The following ZNF618 variants were observed in gnomAD, a reference collection of about 807,000 sequenced individuals.
The protein encoded by ZNF618 is zinc finger protein 618, also known as neural precursor cell expressed, developmentally down-regulated 10.
ZNF618 carries 34 observed loss-of-function variants against 103.0 expected under a neutral mutation model. The observed-to-expected ratio is 0.33, with a 90% confidence interval of 0.25 to 0.44. The LOEUF (loss-of-function observed/expected upper bound fraction) is 0.44. Among genes scored for constraint, ZNF618 ranks in the 20% least tolerant of loss-of-function variants. ZNF618 has a pLI of 1.00. For synonymous variants in ZNF618, 551 were observed against 542.2 expected (o/e 1.02, Z -0.23); for missense variants, 1,059 against 1,295.4 (o/e 0.82, Z 2.80).
chr9:113,969,677 C>G (rs1837765568), intron 2 of ZNF618, among the ~76,000 whole-genome samples: 1 of 152,182 alleles, frequency 6.6e-6, no homozygotes, highest in African/African-American at 2.4e-5. Context: ...CAATAGAGAA[C>G]TGGACTGTTT....
intron 2 of ZNF618, among the ~76,000 whole-genome samples, chr9:113,986,694 G>C (rs1332734361): frequency 6.6e-6 from 1 of 152,132 alleles, no homozygotes; most frequent in Non-Finnish European, 1.5e-5. Flanking sequence ...GTCACACTGG[G>C]GGTTAGGGCT....
intron 1 of ZNF618, among the ~76,000 whole-genome samples, chr9:113,893,496 G>A (rs1165676891): frequency 1.3e-5 from 2 of 151,916 alleles, no homozygotes; most frequent in Non-Finnish European, 2.9e-5. Flanking sequence ...TTAAAATTTG[G>A]ACACCTTTCC....
chr9:113,951,518 T>TAC (rs1564207761), intron 1 of ZNF618, among the ~76,000 whole-genome samples: 10 of 28,696 alleles, frequency 3.5e-4, no homozygotes, highest in East Asian at 1.9e-3. Context: ...TATGTGTGTA[T>TAC]ATGTACACAT....
chr9:114,008,270 G>A, intron 7 of ZNF618, 74 bp from the exon 8 acceptor site: 1 of 1,594,154 alleles, frequency 6.3e-7, no homozygotes, highest in East Asian at 2.2e-5. Flanking sequence ...GGCAGAGGCA[G>A]CTCTGGGCAG....
At chr9:113,967,692 A>C (rs1161571629) in intron 1 of ZNF618, among the ~76,000 whole-genome samples, 1 of 152,172 alleles carries the variant, frequency 6.6e-6, no homozygotes, top group African/African-American at 2.4e-5. Flanking sequence ...ACCTATGGTG[A>C]GGATTAAATG....
At chr9:113,936,807 A>G (rs1178699271) in intron 1 of ZNF618, among the ~76,000 whole-genome samples, 10 of 151,886 alleles carry the variant, frequency 6.6e-5, no homozygotes. Context: ...AATGTGCTCT[A>G]TTTATTATTT....
At chr9:113,983,444 G>A (rs188726336) in intron 2 of ZNF618, among the ~76,000 whole-genome samples, 4 of 152,268 alleles carry the variant, frequency 2.6e-5, no homozygotes, top group African/African-American at 7.2e-5. Flanking sequence ...GCAAGGACTC[G>A]GGGGCATCAC....
rs533267878 is a variant in ZNF618 at position 114,024,107 on chromosome 9, T to C, written c.845-4626T>C. 1.2e-3 allele frequency among the ~76,000 whole-genome samples: 184 copies of C among 152,344 alleles called. 2 individuals carry two copies. Among genetic ancestry groups the C allele is most frequent in the South Asian group, 5.2e-3 (25 of 4,828 alleles). On this transcript the variant is annotated intron_variant, in intron 10 of 14. Transcript: ENST00000374126. Reference sequence around the variant, plus strand: ...ATGTTTACAGATAACTGAAGCTCTGTTCATTTTTTCAGCCTTGTTTTCCTT... The same window carrying C: ...ATGTTTACAGATAACTGAAGCTCTGCTCATTTTTTCAGCCTTGTTTTCCTT...
Position 113,878,492 on chromosome 9 carries a change from GA to G in ZNF618, c.33+2088del, listed in dbSNP as rs968926450. Among the ~76,000 whole-genome samples, 8 of 151,338 alleles carry G rather than the reference GA, an allele frequency of 5.3e-5. No individual in the cohort carries two copies. In the East Asian group the frequency reaches 9.7e-4, roughly 18 times the overall value. ...AATCACATGAAGGTGAAACAAAAAA[GA>G]AAAAAAAATTTAAGAAGGCAAATAA... On this transcript the variant is annotated intron_variant, in intron 1 of 14. Transcript: ENST00000374126.
At chr9:113,895,169 A>T (rs553374047) in intron 1 of ZNF618, among the ~76,000 whole-genome samples, 22 of 151,434 alleles carry the variant, frequency 1.5e-4, no homozygotes, top group Non-Finnish European at 2.7e-4. Flanking sequence ...GAGTGATACG[A>T]TAGAGGAGTG....
chr9:114,015,003 A>C (rs1842541629), intron 9 of ZNF618, among the ~76,000 whole-genome samples: 1 of 152,242 alleles, frequency 6.6e-6, no homozygotes, highest in Non-Finnish European at 1.5e-5. Context: ...GTGAAGTGGA[A>C]AGATTTATCA....
At chr9:113,963,937 C>G (rs1837106180) in intron 1 of ZNF618, among the ~76,000 whole-genome samples, 2 of 152,158 alleles carry the variant, frequency 1.3e-5, no homozygotes, top group Non-Finnish European at 2.9e-5. Flanking sequence ...GTCTGCGTGT[C>G]AGCAGTGTTG....
chr9:113,896,730 A>T (rs1830069796), intron 1 of ZNF618, among the ~76,000 whole-genome samples: 1 of 151,952 alleles, frequency 6.6e-6, no homozygotes, highest in South Asian at 2.1e-4. Context: ...CTAATATTAT[A>T]ATATTTCTTT....
chr9:113,946,484 T>A lies in ZNF618; in HGVS notation c.34-22633T>A, dbSNP rs539139812. ...CAAGGAAATGGGGAGTCCTGGGACT[T>A]CTCTTGAGTTCACAGAGGCAGGCAG... On this transcript the variant is annotated intron_variant, in intron 1 of 14. Coordinates refer to ENST00000374126, the MANE Select transcript of ZNF618 (RefSeq NM_001318042.2). Among the ~76,000 whole-genome samples, 16 of 151,612 alleles carry A rather than the reference T, an allele frequency of 1.1e-4. No homozygotes were observed. The East Asian group carries it at 2.7e-3, about 26-fold the overall frequency.
intron 1 of ZNF618, among the ~76,000 whole-genome samples, chr9:113,953,223 C>G (rs926546753): frequency 2.0e-5 from 3 of 152,138 alleles, no homozygotes; most frequent in African/African-American, 7.2e-5. Context: ...TGTTGAACTT[C>G]CCATTGAAGG....
At chr9:113,911,142 T>G (rs745719822) in intron 1 of ZNF618, among the ~76,000 whole-genome samples, 1 of 152,140 alleles carries the variant, frequency 6.6e-6, no homozygotes, top group African/African-American at 2.4e-5. Flanking sequence ...CCTGAAACTT[T>G]CTGCTTTCTA....
intron 3 of ZNF618, among the ~76,000 whole-genome samples, chr9:113,994,660 T>C (rs1052784460): frequency 6.6e-6 from 1 of 152,152 alleles, no homozygotes. Context: ...AGTGACGTAA[T>C]AGGTATGGAA....
At chr9:114,047,371 T>C (rs939596718) in intron 13 of ZNF618, among the ~76,000 whole-genome samples, 1 of 152,242 alleles carries the variant, frequency 6.6e-6, no homozygotes, top group Non-Finnish European at 1.5e-5. Flanking sequence ...ATTTGGTACT[T>C]TGTGTCACAC....
intron 1 of ZNF618, among the ~76,000 whole-genome samples, chr9:113,884,636 T>A (rs890022093): frequency 6.6e-6 from 1 of 152,052 alleles, no homozygotes; most frequent in African/African-American, 2.4e-5. Flanking sequence ...TCAGAGTCCT[T>A]AGTATTATAT....
Sources: gnomAD v4.1 joint callset for allele counts (sites outside exome capture counted in the v4.1 genomes callset) on GRCh38, gnomAD v4.1.1 for gene constraint, MANE v1.5 for transcripts, NCBI Gene and HGNC (gene_info 2026-07-23, HGNC 2026-07-21) for gene names.